The following SH2D4A variants were observed in gnomAD, a reference collection of about 807,000 sequenced individuals.
The protein encoded by SH2D4A is SH2 domain-containing protein 4A.
In SH2D4A, 70 loss-of-function variants were observed where a neutral mutation model predicts 64.7. The ratio of observed to expected loss-of-function variants is 1.08; its 90% CI spans 0.89 to 1.32. The LOEUF is 1.32. Ranked by LOEUF, SH2D4A falls within the 40% of genes most tolerant of loss-of-function variation. SH2D4A has a pLI of 0.00. For missense variants in SH2D4A, 706 were observed against 540.1 expected (o/e 1.31, Z -3.04); for synonymous variants, 268 against 200.7 (o/e 1.34, Z -2.83).
chr8:19,362,567 C>A (rs139907950), intron 6 of SH2D4A, among the ~76,000 whole-genome samples: 2 of 151,996 alleles, frequency 1.3e-5, no homozygotes, highest in Non-Finnish European at 2.9e-5. Context: ...TGGTGAAACT[C>A]CATCTCTACT....
intron 8 of SH2D4A, among the ~76,000 whole-genome samples, chr8:19,387,579 G>A (rs2053411844): frequency 6.6e-6 from 1 of 152,202 alleles, no homozygotes; most frequent in African/African-American, 2.4e-5. Context: ...ACCATCACAT[G>A]CTTTCTGGAC....
chr8:19,385,326 C>A (rs1347503452), intron 8 of SH2D4A, among the ~76,000 whole-genome samples: 1 of 151,924 alleles, frequency 6.6e-6, no homozygotes, highest in African/African-American at 2.4e-5. Context: ...TCTCCTGCCT[C>A]TGCCTCCCAG....
At chr8:19,377,770 T>C (rs2053220594) in intron 8 of SH2D4A, among the ~76,000 whole-genome samples, 1 of 152,206 alleles carries the variant, frequency 6.6e-6, no homozygotes, top group Non-Finnish European at 1.5e-5. Flanking sequence ...AGATGATGTA[T>C]ACACCCTTGA....
chr8:19,358,866 A>G (rs750642934), intron 5 of SH2D4A, among the ~76,000 whole-genome samples: 26 of 152,162 alleles, frequency 1.7e-4, no homozygotes, highest in Non-Finnish European at 3.1e-4. Flanking sequence ...AGCTGAACAC[A>G]TTTTCACAGC....
chr8:19,344,087 T>A (rs2052572663), intron 4 of SH2D4A, among the ~76,000 whole-genome samples: 1 of 152,156 alleles, frequency 6.6e-6, no homozygotes, highest in Non-Finnish European at 1.5e-5. Context: ...TGCTAACAGG[T>A]CACCTTATGG....
chr8:19,389,054 G>A (rs1268071242), intron 8 of SH2D4A, among the ~76,000 whole-genome samples: 1 of 152,180 alleles, frequency 6.6e-6, no homozygotes, highest in Non-Finnish European at 1.5e-5. Context: ...CAGGTGCTCA[G>A]CAGGTCTAGG....
intron 8 of SH2D4A, among the ~76,000 whole-genome samples, chr8:19,392,229 C>T (rs186455089): frequency 2.0e-5 from 3 of 152,180 alleles, no homozygotes; most frequent in Admixed American, 2.0e-4. Context: ...TAAAGACACA[C>T]ATATAGTTTT....
At chr8:19,335,053 G>A (rs565189103) in intron 4 of SH2D4A, among the ~76,000 whole-genome samples, 196 bp downstream of exon 4, 1 of 152,194 alleles carries the variant, frequency 6.6e-6, no homozygotes, top group East Asian at 1.9e-4. Flanking sequence ...GGAGGCCAAG[G>A]CGGGCGGATC....
chr8:19,340,973 G>T (rs1424561344), intron 4 of SH2D4A, among the ~76,000 whole-genome samples: 2 of 152,120 alleles, frequency 1.3e-5, no homozygotes, highest in African/African-American at 2.4e-5. Context: ...CAATAATCCT[G>T]TGAAACAAAC....
At chr8:19,394,432 T>C in intron 9 of SH2D4A, 118 bp from the exon 10 acceptor site, 1 of 666,298 alleles carries the variant, frequency 1.5e-6, no homozygotes. Flanking sequence ...AAGATGATCA[T>C]AAACCACAAA....
chr8:19,390,145 C>G (rs1339747708), intron 8 of SH2D4A, among the ~76,000 whole-genome samples: 1 of 152,136 alleles, frequency 6.6e-6, no homozygotes, highest in African/African-American at 2.4e-5. Context: ...CTTTGGGAGG[C>G]CGAGGTGGGC....
intron 8 of SH2D4A, among the ~76,000 whole-genome samples, chr8:19,385,928 G>T (rs2053382882): frequency 6.6e-6 from 1 of 152,190 alleles, no homozygotes; most frequent in South Asian, 2.1e-4. Context: ...TCAAGCTTCT[G>T]TCTTCACTGA....
chr8:19,371,292 G>A (rs1176177381), intron 7 of SH2D4A, among the ~76,000 whole-genome samples: 1 of 152,034 alleles, frequency 6.6e-6, no homozygotes, highest in Non-Finnish European at 1.5e-5. Context: ...TTGTTTGTGT[G>A]GAAAAATCTT....
intron 8 of SH2D4A, among the ~76,000 whole-genome samples, chr8:19,385,297 C>T (rs1399196625): frequency 6.6e-6 from 1 of 151,776 alleles, no homozygotes; most frequent in African/African-American, 2.4e-5. Flanking sequence ...GTAGCCTCCA[C>T]CTCCCAGGTT....
At chr8:19,336,330 C>T (rs1025538353) in intron 4 of SH2D4A, among the ~76,000 whole-genome samples, 38 of 152,192 alleles carry the variant, frequency 2.5e-4, no homozygotes, top group African/African-American at 7.5e-4. Context: ...TTATGAAGGG[C>T]TACAAATATG....
intron 4 of SH2D4A, among the ~76,000 whole-genome samples, chr8:19,356,739 C>T (rs1291499663): frequency 6.6e-6 from 1 of 152,178 alleles, no homozygotes; most frequent in Non-Finnish European, 1.5e-5. Flanking sequence ...GGCAGGGAAA[C>T]TGGGCAGGGC....
chr8:19,322,773 C>T (rs1371512604), intron 2 of SH2D4A, among the ~76,000 whole-genome samples: 2 of 151,930 alleles, frequency 1.3e-5, no homozygotes, highest in African/African-American at 2.4e-5. Context: ...CAGGTTCAAG[C>T]GATTCTCCTG....
chr8:19,350,431 C>A (rs763807913), intron 4 of SH2D4A, among the ~76,000 whole-genome samples: 1 of 152,150 alleles, frequency 6.6e-6, no homozygotes, highest in Non-Finnish European at 1.5e-5. Flanking sequence ...CTAACGTGCT[C>A]ATAATAAACT....
At chr8:19,355,659 T>C (rs558103038) in intron 4 of SH2D4A, among the ~76,000 whole-genome samples, 1 of 152,322 alleles carries the variant, frequency 6.6e-6, no homozygotes, top group South Asian at 2.1e-4. Context: ...GAGACTTGGT[T>C]TCCTCATCTG....
Sources: gnomAD v4.1 joint callset for allele counts (sites outside exome capture counted in the v4.1 genomes callset) on GRCh38, gnomAD v4.1.1 for gene constraint, MANE v1.5 for transcripts, NCBI Gene and HGNC (gene_info 2026-07-23, HGNC 2026-07-21) for gene names.